The following PLAAT1 variants were observed in gnomAD, a reference collection of about 807,000 sequenced individuals.
PLAAT1 encodes the protein H-REV107 protein-related protein.
A neutral mutation model predicts 16.4 loss-of-function variants in PLAAT1; 13 were observed. The observed-to-expected ratio is 0.79, with a 90% CI of 0.52 to 1.26. The LOEUF (loss-of-function observed/expected upper bound fraction) is 1.26, where lower values mean the gene tolerates loss of function less well. Ranked by LOEUF, PLAAT1 falls within the 50% of genes most tolerant of loss-of-function variation. The pLI is 0.00. For missense variants in PLAAT1, 218 were observed against 207.8 expected (o/e 1.05, Z -0.30); for synonymous variants, 73 against 78.4 (o/e 0.93, Z 0.36).
At chr3:193,247,526 C>A (rs1716024230) in intron 1 of PLAAT1, among the ~76,000 whole-genome samples, 1 of 152,208 alleles carries the variant, frequency 6.6e-6, no homozygotes, top group African/African-American at 2.4e-5. Flanking sequence ...ATAAATTCTA[C>A]TCCAGTCACT....
In PLAAT1 at chr3:193,241,550, G is replaced by A. The variant is rs572354037; in HGVS notation, c.-1+17G>A. ...GAGAGTGAGGTGTGCTGGGCGGAGT[G>A]GGGGAGGACCTCGAGGCGCCCCGGC... On this transcript the variant is annotated intron_variant, in intron 1 of 3. Transcript: ENST00000264735. 33 of 1,231,772 alleles carry A rather than the reference G, an allele frequency of 2.7e-5. No homozygotes were observed. Among genetic ancestry groups the A allele is most frequent in the South Asian group, 4.1e-5 (1 of 24,310 alleles). The allele number at this position is 1,231,772 out of a possible 1,614,324, so 76.3% of individuals were successfully genotyped here. A position where few individuals can be genotyped will look rare whatever the true frequency, so the allele number is the denominator to read the frequency against.
At chr3:193,254,555 T>C in intron 1 of PLAAT1, among the ~76,000 whole-genome samples, 1 of 152,322 alleles carries the variant, frequency 6.6e-6, no homozygotes, top group Middle Eastern at 3.4e-3. Flanking sequence ...ATTCCATACA[T>C]AGAAAATATA....
At chr3:193,275,002 A>G (rs759377096), downstream of PLAAT1, 1 of 1,605,806 alleles carries the variant, frequency 6.2e-7, no homozygotes, top group Non-Finnish European at 8.5e-7. Flanking sequence ...ATTTTGGGGA[A>G]AAAAGCAATG....
chr3:193,271,281 C>T (rs377461248), downstream of PLAAT1, among the ~76,000 whole-genome samples: 219 of 152,130 alleles, frequency 1.4e-3, no homozygotes, highest in African/African-American at 5.1e-3. Flanking sequence ...GTTTCAGTTC[C>T]GGTGATTTGT....
chr3:193,265,082 G>A (rs111485651), intron 3 of PLAAT1, among the ~76,000 whole-genome samples: 10 of 152,078 alleles, frequency 6.6e-5, no homozygotes, highest in African/African-American at 2.4e-4. Flanking sequence ...TAACTGCTTT[G>A]GAAACCATTC....
At chr3:193,261,960 C>T (rs1033904591) in intron 2 of PLAAT1, among the ~76,000 whole-genome samples, 1 of 152,116 alleles carries the variant, frequency 6.6e-6, no homozygotes, top group Non-Finnish European at 1.5e-5. Context: ...AGAAGGAGGA[C>T]AGACAGAAGG....
downstream of PLAAT1, among the ~76,000 whole-genome samples, chr3:193,271,207 C>T (rs1467257561): frequency 6.6e-6 from 1 of 152,036 alleles, no homozygotes; most frequent in Non-Finnish European, 1.5e-5. Flanking sequence ...GGAATGCACC[C>T]TCATCTTCTT....
In PLAAT1 at chr3:193,241,520, G is replaced by A. The variant is rs903580454; in HGVS notation, c.-14G>A. The A allele has an allele frequency of 1.6e-6, 2 of 1,231,746 alleles. No individual in the cohort carries two copies. Among genetic ancestry groups the A allele is most frequent in the African/African-American group, 1.6e-5 (1 of 64,396 alleles). 76.3% of individuals were successfully genotyped at this position (1,231,746 alleles called of 1,614,324 possible). On this transcript the variant is annotated 5_prime_UTR_variant, in exon 1 of 4. Coordinates refer to ENST00000264735, the MANE Select transcript of PLAAT1 (RefSeq NM_020386.5). ...CCTCCCGGTGCGAGAAGAAGACCCC[G>A]GCTTGAGAGTGAGGTGTGCTGGGCG...
At chr3:193,264,509 TTC>T (rs753579227) in intron 3 of PLAAT1, among the ~76,000 whole-genome samples, 100 of 26,006 alleles carry the variant, frequency 3.8e-3, no homozygotes, top group East Asian at 8.3e-3. Context: ...CTTCTTCTTC[TTC>T]TTTTTTTTTT....
intron 1 of PLAAT1, among the ~76,000 whole-genome samples, chr3:193,246,238 A>G (rs569767646): frequency 9.1e-4 from 138 of 152,148 alleles, no homozygotes; most frequent in African/African-American, 3.1e-3. Flanking sequence ...TTCTATGCCT[A>G]TTTTTTGAGA....
downstream of PLAAT1, among the ~76,000 whole-genome samples, chr3:193,271,321 T>C (rs1261473156): frequency 6.6e-6 from 1 of 152,196 alleles, no homozygotes; most frequent in Non-Finnish European, 1.5e-5. Flanking sequence ...CAGGAGGACA[T>C]GACAAGTAAG....
chr3:193,261,102 G>T (rs577687907), intron 2 of PLAAT1, among the ~76,000 whole-genome samples: 35 of 152,190 alleles, frequency 2.3e-4, no homozygotes, highest in Non-Finnish European at 4.4e-4. Flanking sequence ...GGCGTGCTGG[G>T]TCACGCCTGT....
At chr3:193,242,419 C>T (rs1280206845) in intron 1 of PLAAT1, among the ~76,000 whole-genome samples, 1 of 152,002 alleles carries the variant, frequency 6.6e-6, no homozygotes, top group Non-Finnish European at 1.5e-5. Context: ...GAGAAGGTGG[C>T]ATCGACTTGG....
chr3:193,257,208 A>T (rs1716409957), intron 2 of PLAAT1, among the ~76,000 whole-genome samples: 1 of 152,088 alleles, frequency 6.6e-6, no homozygotes, highest in Non-Finnish European at 1.5e-5. Context: ...ACGGAGACAG[A>T]CTCCAATCAC....
At chr3:193,279,815 A>T (rs1450693666), downstream of PLAAT1, among the ~76,000 whole-genome samples, 1 of 151,894 alleles carries the variant, frequency 6.6e-6, no homozygotes, top group Admixed American at 6.6e-5. Context: ...AATAAAGTTC[A>T]GGGATCCTCT....
chr3:193,241,388 G>T lies in PLAAT1; in HGVS notation c.-146G>T. On this transcript the variant is annotated 5_prime_UTR_variant, in exon 1 of 4. Coordinates refer to ENST00000264735, the MANE Select transcript of PLAAT1 (RefSeq NM_020386.5). Reference sequence around the variant, plus strand: ...AGGACGGCCCCGAGTGATGGCTGGCGCCTGCCTCCCGGGTGTCTCCCGGGT... The same window carrying T: ...AGGACGGCCCCGAGTGATGGCTGGCTCCTGCCTCCCGGGTGTCTCCCGGGT... 1.6e-6 allele frequency: 2 copies of T among 1,231,752 alleles called. No homozygotes were observed. Among genetic ancestry groups the T allele is most frequent in the Non-Finnish European group, 2.0e-6 (2 of 987,996 alleles). The allele number at this position is 1,231,752 out of a possible 1,614,324, so 76.3% of individuals were successfully genotyped here. A position where few individuals can be genotyped will look rare whatever the true frequency, so the allele number is the denominator to read the frequency against.
downstream of PLAAT1, chr3:193,275,035 A>G (rs755440026): frequency 8.7e-6 from 14 of 1,613,890 alleles, no homozygotes; most frequent in East Asian, 2.0e-4. Flanking sequence ...TACGACGACA[A>G]TTCTGATTAC....
intron 2 of PLAAT1, 49 bp downstream of exon 2, chr3:193,255,838 G>A (rs1286044598): frequency 6.9e-7 from 1 of 1,440,086 alleles, no homozygotes; most frequent in South Asian, 1.5e-5. Context: ...TAGTGTTCTT[G>A]TTACAGGAAG....
chr3:193,241,174 C>T (rs549530512), upstream of PLAAT1: 16 of 1,209,744 alleles, frequency 1.3e-5, no homozygotes, highest in South Asian at 8.4e-5. Context: ...GAGGTCTAGC[C>T]GGAGCGACTG....
Sources: gnomAD v4.1 joint callset for allele counts (sites outside exome capture counted in the v4.1 genomes callset) on GRCh38, gnomAD v4.1.1 for gene constraint, MANE v1.5 for transcripts, NCBI Gene and HGNC (gene_info 2026-07-23, HGNC 2026-07-21) for gene names.